Variants in CELF2 observed in about 807,000 individuals in gnomAD.
CELF2 encodes CUG triplet repeat RNA-binding protein 2.
Under a neutral mutation model 62.6 loss-of-function variants are expected in CELF2, and 8 were observed. That is an observed-to-expected ratio of 0.13 (90% confidence interval 0.07 to 0.23). CELF2 has a LOEUF of 0.23. Among genes scored for constraint, CELF2 ranks in the 10% least tolerant of loss-of-function variants. CELF2 has a pLI of 1.00. For missense variants in CELF2, 333 were observed against 671.0 expected (o/e 0.50, Z 5.56); for synonymous variants, 258 against 250.0 (o/e 1.03, Z -0.30).
the CELF2 span, among the ~76,000 whole-genome samples, chr10:10,695,933 T>G: frequency 6.6e-6 from 1 of 151,644 alleles, no homozygotes; most frequent in Non-Finnish European, 1.5e-5. Flanking sequence ...AGTTTTCAAC[T>G]TCTTTGCCTT....
At chr10:10,702,081 G>A in the CELF2 span, among the ~76,000 whole-genome samples, 4 of 152,074 alleles carry the variant, frequency 2.6e-5, no homozygotes, top group Non-Finnish European at 5.9e-5. Context: ...GGAGGGGAGC[G>A]GCAGATTTGC....
the CELF2 span, among the ~76,000 whole-genome samples, chr10:10,667,106 T>C: frequency 1.2e-4 from 18 of 152,154 alleles, no homozygotes; most frequent in Admixed American, 1.2e-3. Context: ...AAGGTTCCTG[T>C]TCATTTGGAA....
chr10:10,940,335 G>A (rs1393218614), intron 2 of CELF2, among the ~76,000 whole-genome samples: 6 of 152,084 alleles, frequency 3.9e-5, no homozygotes, highest in Non-Finnish European at 7.4e-5. Flanking sequence ...GCAGTTCATA[G>A]GTCTCAATGA....
At chr10:10,575,234 A>G in the CELF2 span, among the ~76,000 whole-genome samples, 1 of 152,230 alleles carries the variant, frequency 6.6e-6, no homozygotes, top group Admixed American at 6.5e-5. Flanking sequence ...ACACAAGAGA[A>G]CACATTACTT....
intron 1 of CELF2, among the ~76,000 whole-genome samples, chr10:10,844,435 A>G (rs2132599689): frequency 6.6e-6 from 1 of 152,166 alleles, no homozygotes. Context: ...CAAAATCTTA[A>G]GGGAAAAAAA....
the CELF2 span, among the ~76,000 whole-genome samples, chr10:10,500,757 C>T: frequency 1.3e-5 from 2 of 152,132 alleles, no homozygotes; most frequent in African/African-American, 2.4e-5. Flanking sequence ...TGAAGAAGAC[C>T]CCTTACCTTG....
intron 1 of CELF2, among the ~76,000 whole-genome samples, chr10:11,091,448 T>G (rs1221856784): frequency 6.6e-6 from 1 of 152,222 alleles, no homozygotes; most frequent in Non-Finnish European, 1.5e-5. Flanking sequence ...CTGAAAGAGA[T>G]GAGGCCTTGA....
At chr10:10,736,357 ATTCTTTCTTTCTTTCTTTCTTTCT>A in the CELF2 span, among the ~76,000 whole-genome samples, 2 of 109,672 alleles carry the variant, frequency 1.8e-5, no homozygotes, top group Non-Finnish European at 3.6e-5. Context: ...ACTGATTTCT[ATTCTTTCTTTCTTTCTTTCTTTCT>A]TTCTTTCTTT....
chr10:11,064,591 T>G (rs2067596715), intron 1 of CELF2, among the ~76,000 whole-genome samples: 1 of 152,208 alleles, frequency 6.6e-6, no homozygotes, highest in African/African-American at 2.4e-5. Context: ...TTTAAAATTA[T>G]TCAGGTATTT....
chr10:11,247,139 C>G lies in CELF2; in HGVS notation c.355-2014C>G, dbSNP rs541796630. 6.8e-4 allele frequency among the ~76,000 whole-genome samples: 103 copies of G among 152,368 alleles called. No individual in the cohort carries two copies. The highest frequency in any genetic ancestry group is 2.4e-3 in the African/African-American group (99 of 41,590). The stretch of plus-strand genomic sequence containing the variant: ...TCTCTCGTCTGTAATCCACCCTCCA[C>G]ACGGCAGCCAAAATGGCTTTTCTAG... On this transcript the variant is annotated intron_variant, in intron 3 of 12. Transcript: ENST00000633077. This position sits in a 1 kb window ranked among gnomAD's most constrained non-coding sequence, Gnocchi z 5.4.
the CELF2 span, among the ~76,000 whole-genome samples, chr10:10,751,530 T>C: frequency 6.6e-6 from 1 of 152,226 alleles, no homozygotes; most frequent in African/African-American, 2.4e-5. Flanking sequence ...AGATGGTGTT[T>C]TTTGCCTTTT....
At chr10:10,566,415 T>TA in the CELF2 span, among the ~76,000 whole-genome samples, 1 of 110,298 alleles carries the variant, frequency 9.1e-6, no homozygotes, top group African/African-American at 3.8e-5. Context: ...TTTTTTTTTT[T>TA]TTAATTTTTT....
Position 11,318,590 on chromosome 10 carries a change from GGAA to G in CELF2, c.1097-2598_1097-2596del. 5.4e-6 allele frequency: 2 copies of G among 373,198 alleles called. No individual in the cohort carries two copies. Among genetic ancestry groups the G allele is most frequent in the East Asian group, 7.3e-5 (1 of 13,662 alleles). The allele number at this position is 373,198 out of a possible 1,614,324, so 23.1% of individuals were successfully genotyped here. ...GGAGCCAGGAGAGAAGGATGTGGCTGGAATGTCACTGGCTGGAGCTCCAAGCCT... is the reference window on the plus strand; with the variant it reads ...GGAGCCAGGAGAGAAGGATGTGGCTGTGTCACTGGCTGGAGCTCCAAGCCT... On this transcript the variant is annotated intron_variant, in intron 10 of 12. Transcript: ENST00000633077. This position sits in a 1 kb window ranked among gnomAD's most constrained non-coding sequence, Gnocchi z 5.4.
chr10:10,751,535 C>T, the CELF2 span, among the ~76,000 whole-genome samples: 1 of 152,092 alleles, frequency 6.6e-6, no homozygotes, highest in African/African-American at 2.4e-5. Context: ...GTGTTTTTTG[C>T]CTTTTTTTCT....
intron 1 of CELF2, among the ~76,000 whole-genome samples, chr10:10,801,673 G>A (rs758317536): frequency 1.2e-4 from 19 of 152,198 alleles, no homozygotes; most frequent in Non-Finnish European, 2.6e-4. Flanking sequence ...CATTTGATAT[G>A]TAAAGCATAT....
chr10:10,976,123 G>T (rs552089128), intron 2 of CELF2, among the ~76,000 whole-genome samples: 1 of 152,300 alleles, frequency 6.6e-6, no homozygotes, highest in South Asian at 2.1e-4. Flanking sequence ...AGAGCATCTA[G>T]GGATGCCTTT....
chr10:11,307,535 C>G (rs1376903378), intron 9 of CELF2, among the ~76,000 whole-genome samples: 1 of 152,180 alleles, frequency 6.6e-6, no homozygotes, highest in Non-Finnish European at 1.5e-5. Flanking sequence ...TGATGATGAT[C>G]TAAAAATGGT....
the CELF2 span, among the ~76,000 whole-genome samples, chr10:10,752,550 C>T: frequency 3.3e-5 from 5 of 151,272 alleles, no homozygotes; most frequent in Non-Finnish European, 7.4e-5. Context: ...ATTAGCTGAG[C>T]GTGGTGGTGC....
chr10:10,584,760 T>C, the CELF2 span, among the ~76,000 whole-genome samples: 1 of 152,324 alleles, frequency 6.6e-6, no homozygotes, highest in African/African-American at 2.4e-5. Flanking sequence ...GAGTTCCCTG[T>C]CTCTGCTGTC....
Sources: allele counts gnomAD v4.1 joint callset (sites outside exome capture counted in the v4.1 genomes callset), GRCh38; gene constraint gnomAD v4.1.1; non-coding constraint Gnocchi (gnomAD v3.1); transcripts MANE v1.5; gene names NCBI Gene and HGNC (gene_info 2026-07-23, HGNC 2026-07-21).